Variants in ASCL2 observed in about 807,000 individuals in gnomAD.
The protein encoded by ASCL2 is achaete-scute homolog 2.
Under a neutral mutation model 5.1 loss-of-function variants are expected in ASCL2, and 6 were observed. The ratio of observed to expected loss-of-function variants is 1.17; its 90% CI spans 0.64 to 2.31. The LOEUF (loss-of-function observed/expected upper bound fraction) is 2.31, where lower values mean the gene tolerates loss of function less well. ASCL2 is among the 30% of genes most tolerant of loss of function. The pLI, the probability that ASCL2 is intolerant of heterozygous loss-of-function variation, is 0.00. For synonymous variants in ASCL2, 174 were observed against 157.3 expected (o/e 1.11, Z -0.80); for missense variants, 320 against 310.3 (o/e 1.03, Z -0.23).
Position 2,269,940 on chromosome 11 carries a change from G to T in ASCL2, c.393C>A (p.Arg131=). The change falls in exon 1 of 2, where the codon CGC becomes CGA. Residue 131 remains arginine (R), a synonymous_variant. Transcript: ENST00000331289. ...RPQAVRPSAP[R]GPPGTTPVAA... ...CGACCGGGGTGGTCCCTGGCGGCCC[G>T]CGGGGCGCAGACGGCCGCACGGCCT... The T allele has an allele frequency of 7.8e-7, 1 of 1,279,302 alleles. No homozygotes were observed. Among genetic ancestry groups the T allele is most frequent in the Non-Finnish European group, 9.9e-7 (1 of 1,010,658 alleles). 79.2% of individuals were successfully genotyped at this position (1,279,302 alleles called of 1,614,324 possible). A position where few individuals can be genotyped will look rare whatever the true frequency, so the allele number is the denominator to read the frequency against.
In ASCL2 at chr11:2,269,791, C is replaced by A; in HGVS notation, c.542G>T (p.Arg181Leu). The change falls in exon 1 of 2, where the codon CGC becomes CTC. Residue 181 changes from arginine to leucine, a missense_variant. Arg to Leu is a moderately radical substitution (Grantham distance 102). Transcript: ENST00000331289. ...GCEGALSPAE[R>L]ELLDFSSWLG... ...CCAGCTGGAGAAGTCGAGTAGCTCG[C>A]GCTCCGCAGGACTCAGCGCGCCTTC... 2 of 1,453,186 alleles carry A rather than the reference C, an allele frequency of 1.4e-6. No homozygotes were observed. Among genetic ancestry groups the A allele is most frequent in the Non-Finnish European group, 1.8e-6 (2 of 1,097,808 alleles). 90.0% of individuals were successfully genotyped at this position (1,453,186 alleles called of 1,614,324 possible). A position where few individuals can be genotyped will look rare whatever the true frequency, so the allele number is the denominator to read the frequency against.
chr11:2,270,022 C>T lies in ASCL2; in HGVS notation c.311G>A (p.Arg104His), dbSNP rs1195888560. 7.1e-7 allele frequency: 1 copy of T among 1,409,188 alleles called. No homozygotes were observed. The highest frequency in any genetic ancestry group is 9.3e-7 in the Non-Finnish European group (1 of 1,079,350). 87.3% of individuals were successfully genotyped at this position (1,409,188 alleles called of 1,614,324 possible). ...CACGGCGTCGTGCTCGGCCAGCAGG[C>T]GCTGCAGCGCGCGGATGTACTCCAC... ...SAVEYIRALQ[R>H]LLAEHDAVRN... The change falls in exon 1 of 2, where the codon CGC (arginine) becomes CAC (histidine). Residue 104 changes from arginine to histidine, a missense_variant. Physicochemically the swap from Arg to His is conservative, Grantham distance 29 (BLOSUM62 0). Coordinates refer to ENST00000331289, the MANE Select transcript of ASCL2 (RefSeq NM_005170.3).
At position 2,270,015 on chromosome 11, in the gene ASCL2, C is replaced by T; in HGVS notation, c.318G>A (p.Leu106=). ...CGTTGCGCACGGCGTCGTGCTCGGC[C>T]AGCAGGCGCTGCAGCGCGCGGATGT... ...VEYIRALQRL[L]AEHDAVRNAL... The change falls in exon 1 of 2, where the codon CTG becomes CTA. Residue 106 remains leucine, a synonymous_variant. Transcript: ENST00000331289. 1 of 1,385,028 alleles carries T rather than the reference C, an allele frequency of 7.2e-7. No homozygotes were observed. Among genetic ancestry groups the T allele is most frequent in the Non-Finnish European group, 9.4e-7 (1 of 1,067,118 alleles). The allele number at this position is 1,385,028 out of a possible 1,614,324, so 85.8% of individuals were successfully genotyped here.
At chr11:2,269,404 A>G (rs969026213) in intron 1 of ASCL2, among the ~76,000 whole-genome samples, 19 of 151,396 alleles carry the variant, frequency 1.3e-4, no homozygotes, top group Non-Finnish European at 2.5e-4. Context: ...ATGCAAAGTC[A>G]CCCCGCCTCC....
In ASCL2 at chr11:2,269,134, G is replaced by A. The variant is rs1032780027; in HGVS notation, c.*19-8C>T. 1 of 152,050 alleles carries A rather than the reference G, an allele frequency of 6.6e-6. No individual in the cohort carries two copies. Among genetic ancestry groups the A allele is most frequent in the African/African-American group, 2.4e-5 (1 of 41,434 alleles). 9.4% of individuals were successfully genotyped at this position (152,050 alleles called of 1,614,324 possible). A position where few individuals can be genotyped will look rare whatever the true frequency, so the allele number is the denominator to read the frequency against. ...CGGCTTCCGGGGCTGAGGCTGCGGG[G>A]GGAAGGTGGGGAACCAAACGCGCGT... On this transcript the variant is annotated splice_polypyrimidine_tract_variant and splice_region_variant and intron_variant, in intron 1 of 1. Transcript: ENST00000331289.
At position 2,270,441 on chromosome 11, in the gene ASCL2, G is replaced by C. The variant is rs971328550; in HGVS notation, c.-109C>G. The C allele has an allele frequency of 8.0e-7, 1 of 1,252,518 alleles. No individual in the cohort carries two copies. The highest frequency in any genetic ancestry group is 1.6e-5 in the African/African-American group (1 of 63,932). 77.6% of individuals were successfully genotyped at this position (1,252,518 alleles called of 1,614,324 possible). ...CTGTGGCGCCCCAAGGGGGCTTCTG[G>C]CACGGCGCCGCCAGGCAACTCCCCA... On this transcript the variant is annotated 5_prime_UTR_variant, in exon 1 of 2. Coordinates refer to ENST00000331289, the MANE Select transcript of ASCL2 (RefSeq NM_005170.3).
In ASCL2 at chr11:2,269,920, G is replaced by C; in HGVS notation, c.413C>G (p.Pro138Arg). ...SAPRGPPGTT[P>R]VAASPSRASS... Reference sequence around the variant, plus strand: ...AGCGCGGGAGGGCGAGGCGGCGACCGGGGTGGTCCCTGGCGGCCCGCGGGG... The same window carrying C: ...AGCGCGGGAGGGCGAGGCGGCGACCCGGGTGGTCCCTGGCGGCCCGCGGGG... Residue 138 changes from proline to arginine, a missense_variant, in exon 1 of 2, where the codon CCG becomes CGG. Transcript: ENST00000331289. 3.9e-6 allele frequency: 5 copies of C among 1,283,550 alleles called. No homozygotes were observed. Among genetic ancestry groups the C allele is most frequent in the Admixed American group, 4.2e-5 (1 of 23,716 alleles). 79.5% of individuals were successfully genotyped at this position (1,283,550 alleles called of 1,614,324 possible). A position where few individuals can be genotyped will look rare whatever the true frequency, so the allele number is the denominator to read the frequency against.
In ASCL2 at chr11:2,270,299, G is replaced by A. The variant is rs1189337634; in HGVS notation, c.34C>T (p.Pro12Ser). Reference protein sequence around the residue: ...DGGTLPRSAPPAPPVPVGCAA... With the variant: ...DGGTLPRSAPSAPPVPVGCAA... Reference sequence around the variant, plus strand: ...CAGCCGACAGGGACGGGGGGCGCAGGGGGCGCGGACCTGGGCAGTGTGCCG... The same window carrying A: ...CAGCCGACAGGGACGGGGGGCGCAGAGGGCGCGGACCTGGGCAGTGTGCCG... The change falls in exon 1 of 2, where the codon CCT (proline) becomes TCT (serine). Residue 12 changes from proline (P) to serine (S), a missense_variant. By Grantham distance (74) the Pro-to-Ser change is moderately conservative (BLOSUM62 -1). Transcript: ENST00000331289. 1.5e-5 allele frequency: 20 copies of A among 1,337,094 alleles called. No individual in the cohort carries two copies. The highest frequency in any genetic ancestry group is 1.8e-5 in the Non-Finnish European group (19 of 1,051,676). The allele number at this position is 1,337,094 out of a possible 1,614,324, so 82.8% of individuals were successfully genotyped here.
At chr11:2,269,675 ACCCCGTCCCTCCACCCCGG>A in intron 1 of ASCL2, 39 bp downstream of exon 1, 4 of 576,794 alleles carry the variant, frequency 6.9e-6, no homozygotes, top group African/African-American at 2.0e-5. Flanking sequence ...GGGCCTGCCC[ACCCCGTCCCTCCACCCCGG>A]CCCCCGGCCC....
Position 2,270,019 on chromosome 11 carries a change from A to T in ASCL2, c.314T>A (p.Leu105Gln), listed in dbSNP as rs1847230746. 7.2e-7 allele frequency: 1 copy of T among 1,388,754 alleles called. No individual in the cohort carries two copies. The highest frequency in any genetic ancestry group is 9.4e-7 in the Non-Finnish European group (1 of 1,068,890). 86.0% of individuals were successfully genotyped at this position (1,388,754 alleles called of 1,614,324 possible). Residue 105 changes from leucine to glutamine, a missense_variant, in exon 1 of 2, where the codon CTG becomes CAG. Transcript: ENST00000331289. ...GCGCACGGCGTCGTGCTCGGCCAGC[A>T]GGCGCTGCAGCGCGCGGATGTACTC... ...AVEYIRALQRLLAEHDAVRNA... is the reference protein window; with the variant it reads ...AVEYIRALQRQLAEHDAVRNA...
rs558524715 is a variant in ASCL2, at chr11:2,270,398, C to G, written c.-66G>C. On this transcript the variant is annotated 5_prime_UTR_variant, in exon 1 of 2. Coordinates refer to ENST00000331289, the MANE Select transcript of ASCL2 (RefSeq NM_005170.3). The stretch of plus-strand genomic sequence containing the variant: ...CGCAGGAAGGTGCAGGCAGAGGAAC[C>G]GGAGGCGACGGGGAAAACTGTGGCG... The G allele has an allele frequency of 4.0e-6, 5 of 1,255,350 alleles. No homozygotes were observed. In the South Asian group the frequency reaches 1.4e-4, roughly 35 times the overall value. 77.8% of individuals were successfully genotyped at this position (1,255,350 alleles called of 1,614,324 possible).
At chr11:2,269,689 C>T in intron 1 of ASCL2, 44 bp downstream of exon 1, 1 of 1,233,596 alleles carries the variant, frequency 8.1e-7, no homozygotes, top group Non-Finnish European at 1.0e-6. Context: ...CGTCCCTCCA[C>T]CCCGGCCCCC....
In ASCL2 at chr11:2,270,482, G is replaced by A; in HGVS notation, c.-150C>T. ...CAACTCCCCAGGGCACGCGTCCTAG[G>A]TCGTCTGGAGCCCGGGGATAGGAGG... is the stretch of plus-strand genomic sequence containing the variant. On this transcript the variant is annotated 5_prime_UTR_variant, in exon 1 of 2. Transcript: ENST00000331289. 1 of 1,234,898 alleles carries A rather than the reference G, an allele frequency of 8.1e-7. No homozygotes were observed. Among genetic ancestry groups the A allele is most frequent in the Admixed American group, 4.3e-5 (1 of 23,382 alleles). 76.5% of individuals were successfully genotyped at this position (1,234,898 alleles called of 1,614,324 possible). A position where few individuals can be genotyped will look rare whatever the true frequency, so the allele number is the denominator to read the frequency against.
rs1847232032 is a variant in ASCL2 at position 2,270,099 on chromosome 11, C to A, written c.234G>T (p.Pro78=). 1 of 1,506,568 alleles carries A rather than the reference C, an allele frequency of 6.6e-7. No homozygotes were observed. Among genetic ancestry groups the A allele is most frequent in the Non-Finnish European group, 8.8e-7 (1 of 1,132,704 alleles). The allele number at this position is 1,506,568 out of a possible 1,614,324, so 93.3% of individuals were successfully genotyped here. A position where few individuals can be genotyped will look rare whatever the true frequency, so the allele number is the denominator to read the frequency against. Residue 78 remains proline, a synonymous_variant, in exon 1 of 2, where the codon CCG becomes CCT. Transcript: ENST00000331289. ...TCAGCTTCTTGCTGGCGCCGCCGTG[C>A]GGCACGTGCTGCCGCAGCGCCTGGA... ...LGFQALRQHV[P]HGGASKKLSK... is the part of the protein sequence containing the mutation.
Position 2,270,111 on chromosome 11 carries a change from C to T in ASCL2, c.222G>A (p.Arg74=). Residue 74 remains arginine (R), a synonymous_variant, in exon 1 of 2, where the codon CGG becomes CGA. Coordinates refer to ENST00000331289, the MANE Select transcript of ASCL2 (RefSeq NM_005170.3). The stretch of plus-strand genomic sequence containing the variant: ...TGGCGCCGCCGTGCGGCACGTGCTG[C>T]CGCAGCGCCTGGAAGCCCAAGTTCA... The part of the protein sequence containing the change: ...KLVNLGFQAL[R]QHVPHGGASK... 1 of 1,516,678 alleles carries T rather than the reference C, an allele frequency of 6.6e-7. No homozygotes were observed. The highest frequency in any genetic ancestry group is 2.1e-5 in the Admixed American group (1 of 47,296). The allele number at this position is 1,516,678 out of a possible 1,614,324, so 94.0% of individuals were successfully genotyped here. A position where few individuals can be genotyped will look rare whatever the true frequency, so the allele number is the denominator to read the frequency against.
chr11:2,269,527 G>A (rs993349913), intron 1 of ASCL2, among the ~76,000 whole-genome samples: 2 of 152,180 alleles, frequency 1.3e-5, no homozygotes. Context: ...GCGAGGGGAA[G>A]TTTTGCAATC....
Position 2,270,121 on chromosome 11 carries a change from T to A in ASCL2, c.212A>T (p.Gln71Leu). ...GTGCGGCACGTGCTGCCGCAGCGCC[T>A]GGAAGCCCAAGTTCACCAGCTTCAC... is the stretch of plus-strand genomic sequence containing the variant. Reference protein sequence around the residue: ...NRVKLVNLGFQALRQHVPHGG... With the variant: ...NRVKLVNLGFLALRQHVPHGG... The change falls in exon 1 of 2, where the codon CAG becomes CTG. Residue 71 changes from glutamine to leucine, a missense_variant. Gln to Leu is a moderately radical substitution (Grantham distance 113). Transcript: ENST00000331289. The A allele has an allele frequency of 6.6e-7, 1 of 1,525,104 alleles. No individual in the cohort carries two copies. Among genetic ancestry groups the A allele is most frequent in the Non-Finnish European group, 8.7e-7 (1 of 1,142,880 alleles). 94.5% of individuals were successfully genotyped at this position (1,525,104 alleles called of 1,614,324 possible).
intron 1 of ASCL2, 34 bp downstream of exon 1, chr11:2,269,699 C>T (rs1847226070): frequency 1.6e-6 from 2 of 1,287,432 alleles, no homozygotes; most frequent in Non-Finnish European, 2.0e-6. Context: ...CCCCGGCCCC[C>T]GGCCCTCCCT....
In ASCL2 at chr11:2,269,904, G is replaced by A. The variant is rs1417208169; in HGVS notation, c.429C>T (p.Pro143=). The change falls in exon 1 of 2, where the codon CCC becomes CCT. Residue 143 remains proline (P), a synonymous_variant. Transcript: ENST00000331289. The part of the protein sequence containing the change: ...PPGTTPVAAS[P]SRASSSPGRG... The stretch of plus-strand genomic sequence containing the variant: ...GGCCCGGGGACGAAGAAGCGCGGGA[G>A]GGCGAGGCGGCGACCGGGGTGGTCC... 2 of 1,295,224 alleles carry A rather than the reference G, an allele frequency of 1.5e-6. No homozygotes were observed. Among genetic ancestry groups the A allele is most frequent in the Non-Finnish European group, 2.0e-6 (2 of 1,016,600 alleles). The allele number at this position is 1,295,224 out of a possible 1,614,324, so 80.2% of individuals were successfully genotyped here.
Sources: allele counts gnomAD v4.1 joint callset (sites outside exome capture counted in the v4.1 genomes callset), GRCh38; gene constraint gnomAD v4.1.1; transcripts MANE v1.5; gene names NCBI Gene and HGNC (gene_info 2026-07-23, HGNC 2026-07-21).